UQCC1: variants seen among roughly 807,000 people sequenced by gnomAD.
The protein encoded by UQCC1 is ubiquinol-cytochrome c reductase complex assembly factor 1.
UQCC1 carries 38 observed loss-of-function variants against 48.0 expected under a neutral mutation model. The observed-to-expected ratio is 0.79, with a 90% confidence interval of 0.61 to 1.04. UQCC1 has a LOEUF of 1.04. UQCC1 is among the 50% of genes least tolerant of loss of function. UQCC1 has a pLI of 0.00. For missense variants in UQCC1, 368 were observed against 381.8 expected, an observed-to-expected ratio of 0.96 and a Z score of 0.30; for synonymous variants, 111 against 129.2, an observed-to-expected ratio of 0.86 and a Z score of 0.95.
chr20:35,407,711 C>G (rs1053749826), intron 1 of UQCC1, among the ~76,000 whole-genome samples: 7 of 152,130 alleles, frequency 4.6e-5, no homozygotes, highest in African/African-American at 1.4e-4. Context: ...CATAGCAAAA[C>G]CCCATCTCTA....
At chr20:35,346,917 C>T (rs1055060669) in intron 7 of UQCC1, 16 of 1,392,314 alleles carry the variant, frequency 1.1e-5, no homozygotes, top group Non-Finnish European at 1.5e-5. Context: ...TTGGGCTTTA[C>T]AATCCCATCT....
chr20:35,398,760 G>C (rs2378354), intron 1 of UQCC1, among the ~76,000 whole-genome samples: 16 of 113,846 alleles, frequency 1.4e-4, no homozygotes, highest in Admixed American at 1.9e-4. Flanking sequence ...AGGTGGGGGG[G>C]GGGGGGGGGC....
chr20:35,318,066 T>C (rs1324955629), intron 7 of UQCC1, among the ~76,000 whole-genome samples: 1 of 152,184 alleles, frequency 6.6e-6, no homozygotes, highest in African/African-American at 2.4e-5. Flanking sequence ...CTCCTAATTG[T>C]GTTAGGAATA....
chr20:35,401,251 T>A (rs540173994), intron 1 of UQCC1, among the ~76,000 whole-genome samples: 1 of 152,200 alleles, frequency 6.6e-6, no homozygotes, highest in Non-Finnish European at 1.5e-5. Context: ...TATAACTCAC[T>A]TAGCAAAATT....
chr20:35,307,085 T>C (rs2060938155), intron 8 of UQCC1: 1 of 430,838 alleles, frequency 2.3e-6, no homozygotes. Context: ...CAGGCAACAC[T>C]TGAGAGGCTG....
intron 7 of UQCC1, among the ~76,000 whole-genome samples, chr20:35,336,511 C>T (rs2061318143): frequency 6.6e-6 from 1 of 152,092 alleles, no homozygotes; most frequent in Non-Finnish European, 1.5e-5. Context: ...ACTACAGAGG[C>T]AGAAATTGCA....
At chr20:35,368,554 G>A (rs2061695038) in intron 5 of UQCC1, among the ~76,000 whole-genome samples, 1 of 151,880 alleles carries the variant, frequency 6.6e-6, no homozygotes, top group Non-Finnish European at 1.5e-5. Flanking sequence ...ACTCACTAAG[G>A]GCCCATCTGC....
intron 8 of UQCC1, among the ~76,000 whole-genome samples, chr20:35,312,702 T>C (rs17092534): frequency 0.013 from 1,974 of 152,298 alleles, 35 homozygotes; most frequent in African/African-American, 0.045. Flanking sequence ...ACACCATTCT[T>C]TCTACATGCT....
At chr20:35,384,175 A>C (rs4911495) in intron 2 of UQCC1, 42 bp from the exon 3 acceptor site, 101,602 of 1,523,998 alleles carry the variant, frequency 0.067, 4,971 homozygotes, top group South Asian at 0.21. Context: ...CTGAGCACTT[A>C]CAGGGTTAAT....
At chr20:35,381,362 G>A (rs2061865309) in intron 4 of UQCC1, among the ~76,000 whole-genome samples, 1 of 152,172 alleles carries the variant, frequency 6.6e-6, no homozygotes. Context: ...TGACCCCTCA[G>A]AAGTCATCTA....
intron 6 of UQCC1, among the ~76,000 whole-genome samples, chr20:35,366,169 T>A (rs962410641): frequency 6.6e-6 from 1 of 152,238 alleles, no homozygotes; most frequent in Non-Finnish European, 1.5e-5. Context: ...TAATTTGTTA[T>A]AGGTTTCTGA....
intron 3 of UQCC1, among the ~76,000 whole-genome samples, chr20:35,383,627 A>G (rs951326282): frequency 3.9e-5 from 6 of 152,190 alleles, no homozygotes; most frequent in African/African-American, 1.4e-4. Context: ...AGGCAGGAGG[A>G]TCGCTTGAAG....
intron 1 of UQCC1, among the ~76,000 whole-genome samples, chr20:35,405,617 G>C (rs759692049): frequency 6.6e-6 from 1 of 152,360 alleles, no homozygotes; most frequent in Middle Eastern, 3.4e-3. Flanking sequence ...GCCGGGTGCG[G>C]TGGCTTACAC....
chr20:35,313,505 T>C (rs2061018601), intron 8 of UQCC1, among the ~76,000 whole-genome samples: 1 of 151,108 alleles, frequency 6.6e-6, no homozygotes. Flanking sequence ...TCCAGTTGCA[T>C]AAAGAAGGAA....
chr20:35,382,746 A>G (rs1328226085), intron 3 of UQCC1, among the ~76,000 whole-genome samples: 3 of 150,872 alleles, frequency 2.0e-5, no homozygotes, highest in East Asian at 4.0e-4. Context: ...TCCTGACCGC[A>G]TGATCTGCCC....
At chr20:35,318,704 G>C (rs2061090265) in intron 7 of UQCC1, among the ~76,000 whole-genome samples, 1 of 152,226 alleles carries the variant, frequency 6.6e-6, no homozygotes, top group Admixed American at 6.5e-5. Context: ...CTGGAAGAGG[G>C]TGGAAGTGAG....
At chr20:35,321,288 G>GCGCGCGCGCGCGCGCA (rs2061125486) in intron 7 of UQCC1, among the ~76,000 whole-genome samples, 1 of 150,180 alleles carries the variant, frequency 6.7e-6, no homozygotes, top group African/African-American at 2.5e-5. Context: ...GTGTGTGCGC[G>GCGCGCGCGCGCGCGCA]CGCGCGCGCG....
chr20:35,317,992 GACT>G (rs1257288717), intron 7 of UQCC1, among the ~76,000 whole-genome samples: 2 of 152,186 alleles, frequency 1.3e-5, no homozygotes, highest in South Asian at 4.1e-4. Context: ...GTGAGGATGA[GACT>G]ACAACTCAGA....
intron 6 of UQCC1, among the ~76,000 whole-genome samples, chr20:35,358,037 A>C (rs2146417307): frequency 6.6e-6 from 1 of 152,212 alleles, no homozygotes; most frequent in South Asian, 2.1e-4. Context: ...TTCCATGCTA[A>C]AACATAATAA....
Sources: gnomAD v4.1 joint callset for allele counts (sites outside exome capture counted in the v4.1 genomes callset) on GRCh38, gnomAD v4.1.1 for gene constraint, MANE v1.5 for transcripts, NCBI Gene and HGNC (gene_info 2026-07-23, HGNC 2026-07-21) for gene names.